The following SPPL3 variants were observed in gnomAD, a reference collection of about 807,000 sequenced individuals.
The protein encoded by SPPL3 is signal peptide peptidase like 3.
A neutral mutation model predicts 42.4 loss-of-function variants in SPPL3; 5 were observed. That is an observed-to-expected ratio of 0.12 (90% CI 0.06 to 0.25). The LOEUF (loss-of-function observed/expected upper bound fraction) is 0.25, where lower values mean the gene tolerates loss of function less well. Ranked by LOEUF, SPPL3 falls within the 10% of genes least tolerant of loss-of-function variation. The pLI is 1.00. For missense variants in SPPL3, 235 were observed against 489.0 expected, an observed-to-expected ratio of 0.48 and a Z score of 4.90; for synonymous variants, 195 against 181.8, an observed-to-expected ratio of 1.07 and a Z score of -0.58.
In SPPL3 at chr12:120,810,868, A is replaced by G; in HGVS notation, c.42T>C (p.Asp14=). 6.2e-7 allele frequency: 1 copy of G among 1,613,328 alleles called. No homozygotes were observed. The highest frequency in any genetic ancestry group is 1.3e-5 in the African/African-American group (1 of 75,042). Residue 14 remains aspartate, a synonymous_variant, in exon 2 of 11, where the codon GAT becomes GAC. Coordinates refer to ENST00000353487, the MANE Select transcript of SPPL3 (RefSeq NM_139015.5). ...QTYSWAYSLV[D]SSQVSTFLIS... Reference sequence around the variant, plus strand: ...TCAGAAATGTAGACACTTGACTGGAATCCACCAGGGAATAGGCCCTAGAGA... The same window carrying G: ...TCAGAAATGTAGACACTTGACTGGAGTCCACCAGGGAATAGGCCCTAGAGA...
At chr12:120,798,224 GTTTT>G (rs35070630) in intron 2 of SPPL3, among the ~76,000 whole-genome samples, 4 of 151,906 alleles carry the variant, frequency 2.6e-5, no homozygotes, top group East Asian at 1.9e-4. Flanking sequence ...TTTCCTGGGG[GTTTT>G]TTTATTTTAA....
chr12:120,884,828 T>G (rs1484694289), intron 1 of SPPL3, among the ~76,000 whole-genome samples: 6 of 147,698 alleles, frequency 4.1e-5, no homozygotes, highest in African/African-American at 1.2e-4. Context: ...TTTTTTGGCT[T>G]TCAGAAAGGT....
At chr12:120,890,567 C>A (rs1379106788) in intron 1 of SPPL3, among the ~76,000 whole-genome samples, 1 of 130,616 alleles carries the variant, frequency 7.7e-6, no homozygotes, top group Non-Finnish European at 1.5e-5. Context: ...CCAGCCTGGG[C>A]GACAGAGCCA....
intron 1 of SPPL3, among the ~76,000 whole-genome samples, chr12:120,828,497 A>G (rs1264521637): frequency 2.0e-5 from 3 of 152,246 alleles, no homozygotes; most frequent in Middle Eastern, 3.2e-3. Context: ...ACTGAAAACT[A>G]CAAAATTCCT....
Position 120,763,873 on chromosome 12 carries a change from C to CA in SPPL3, c.*1125dup, listed in dbSNP as rs3078036. On this transcript the variant is annotated 3_prime_UTR_variant, in exon 11 of 11. Transcript: ENST00000353487. ...ACAGCACACCAATGAAACAAAATGT[C>CA]AAAAAAAAAAATACAAAAAAATAGA... 3,603 of 141,762 alleles carry CA rather than the reference C, an allele frequency of 0.025. 63 individuals carry two copies. The highest frequency in any genetic ancestry group is 0.054 in the Middle Eastern group (15 of 280). 8.8% of individuals were successfully genotyped at this position (141,762 alleles called of 1,614,324 possible).
chr12:120,798,133 C>T (rs765632205), intron 2 of SPPL3, among the ~76,000 whole-genome samples: 4 of 152,146 alleles, frequency 2.6e-5, no homozygotes, highest in South Asian at 2.1e-4. Flanking sequence ...CAAAACACAG[C>T]GACTTTTAGA....
chr12:120,902,469 G>C (rs1874012549), intron 1 of SPPL3, among the ~76,000 whole-genome samples: 1 of 152,146 alleles, frequency 6.6e-6, no homozygotes, highest in Non-Finnish European at 1.5e-5. Context: ...AATGTAGTAA[G>C]ATCTGTGGCA....
At chr12:120,769,134 C>T in intron 6 of SPPL3, 75 bp from the exon 7 acceptor site, 1 of 1,184,302 alleles carries the variant, frequency 8.4e-7, no homozygotes, top group Non-Finnish European at 1.2e-6. Context: ...CAAGCTATGG[C>T]CCTTCACAGA....
chr12:120,850,494 A>T (rs1244611223), intron 1 of SPPL3, among the ~76,000 whole-genome samples: 1 of 15,862 alleles, frequency 6.3e-5, no homozygotes, highest in Non-Finnish European at 9.2e-5. Context: ...CCAGCCTTTA[A>T]AAAAAAAAAA....
At chr12:120,792,544 A>G (rs919658914) in intron 2 of SPPL3, among the ~76,000 whole-genome samples, 1 of 151,996 alleles carries the variant, frequency 6.6e-6, no homozygotes, top group African/African-American at 2.4e-5. Flanking sequence ...TACTAAAAAT[A>G]CAAAAATTTG....
intron 2 of SPPL3, among the ~76,000 whole-genome samples, chr12:120,802,264 T>C (rs1453620706): frequency 6.6e-6 from 1 of 151,542 alleles, no homozygotes; most frequent in Admixed American, 6.6e-5. Context: ...GAATGCACCA[T>C]GAGTGCTGTT....
chr12:120,771,612 T>C (rs111289103), intron 6 of SPPL3, among the ~76,000 whole-genome samples: 19 of 152,304 alleles, frequency 1.2e-4, no homozygotes, highest in African/African-American at 4.6e-4. Flanking sequence ...CCCGAGAGCA[T>C]GGCTCAGTGC....
At position 120,763,362 on chromosome 12, in the gene SPPL3, C is replaced by CTTGATCCACAGTGACT. The variant is rs1339733757; in HGVS notation, c.*1636_*1637insAGTCACTGTGGATCAA. The CTTGATCCACAGTGACT allele has an allele frequency of 1.3e-5, 2 of 152,724 alleles. No individual in the cohort carries two copies. Among genetic ancestry groups the CTTGATCCACAGTGACT allele is most frequent in the Non-Finnish European group, 2.9e-5 (2 of 68,112 alleles). 9.5% of individuals were successfully genotyped at this position (152,724 alleles called of 1,614,324 possible). A position where few individuals can be genotyped will look rare whatever the true frequency, so the allele number is the denominator to read the frequency against. ...CAACAGGATGGGTGCCCCCTGTGAG[C>CTTGATCCACAGTGACT]TCGATCCACAGTGACTTCAAGCCAC... is the stretch of plus-strand genomic sequence containing the variant. On this transcript the variant is annotated 3_prime_UTR_variant, in exon 11 of 11. Transcript: ENST00000353487.
At chr12:120,860,667 T>C (rs896269889) in intron 1 of SPPL3, among the ~76,000 whole-genome samples, 1 of 152,216 alleles carries the variant, frequency 6.6e-6, no homozygotes, top group African/African-American at 2.4e-5. Flanking sequence ...TTGTATTTTA[T>C]ACACACGCAC....
intron 1 of SPPL3, among the ~76,000 whole-genome samples, chr12:120,839,373 G>A (rs1409391568): frequency 9.5e-6 from 1 of 105,106 alleles, no homozygotes; most frequent in Non-Finnish European, 1.9e-5. Flanking sequence ...TGGGGGGAGG[G>A]GGGAGGGATA....
At chr12:120,830,681 CAG>C (rs1227821725) in intron 1 of SPPL3, among the ~76,000 whole-genome samples, 2 of 149,834 alleles carry the variant, frequency 1.3e-5, no homozygotes, top group African/African-American at 2.5e-5. Context: ...TGGTATAAAA[CAG>C]AGATAATCCC....
intron 10 of SPPL3, among the ~76,000 whole-genome samples, chr12:120,765,830 AAAT>A (rs1312795936): frequency 1.3e-5 from 2 of 152,178 alleles, no homozygotes; most frequent in Admixed American, 6.5e-5. Context: ...GATATCTGGG[AAAT>A]AATGTGCTCT....
chr12:120,820,001 C>T (rs372999207), intron 1 of SPPL3, among the ~76,000 whole-genome samples: 7 of 152,120 alleles, frequency 4.6e-5, no homozygotes, highest in African/African-American at 1.4e-4. Context: ...ACTATGAAAA[C>T]CGTATGACCC....
chr12:120,876,410 G>A (rs1447926414), intron 1 of SPPL3, among the ~76,000 whole-genome samples: 3 of 151,506 alleles, frequency 2.0e-5, no homozygotes, highest in Admixed American at 6.6e-5. Flanking sequence ...TCAGGAGCTC[G>A]AGACCATCCT....
Sources: gnomAD v4.1 joint callset for allele counts (sites outside exome capture counted in the v4.1 genomes callset) on GRCh38, gnomAD v4.1.1 for gene constraint, MANE v1.5 for transcripts, NCBI Gene and HGNC (gene_info 2026-07-23, HGNC 2026-07-21) for gene names.